Variants in LPP observed in about 807,000 individuals in gnomAD.
LPP encodes the protein LIM domain containing preferred translocation partner in lipoma.
LPP carries 38 observed loss-of-function variants against 60.4 expected under a neutral mutation model. The observed-to-expected ratio is 0.63, with a 90% CI of 0.49 to 0.83. The LOEUF is 0.83. Among genes scored for constraint, LPP ranks in the 40% least tolerant of loss-of-function variants. The pLI, the probability that LPP is intolerant of heterozygous loss-of-function variation, is 0.00. For synonymous variants in LPP, 328 were observed against 290.8 expected, an observed-to-expected ratio of 1.13 and a Z score of -1.30; for missense variants, 902 against 783.6, an observed-to-expected ratio of 1.15 and a Z score of -1.80.
intron 4 of LPP, among the ~76,000 whole-genome samples, chr3:188,419,721 C>G (rs977986399): frequency 6.6e-6 from 1 of 152,024 alleles, no homozygotes; most frequent in Non-Finnish European, 1.5e-5. Context: ...AAAACCCCGA[C>G]TTTACTAAAA....
At chr3:188,490,786 G>A (rs1029942140) in intron 5 of LPP, among the ~76,000 whole-genome samples, 12 of 107,204 alleles carry the variant, frequency 1.1e-4, no homozygotes, top group South Asian at 6.2e-4. Flanking sequence ...ACAGAGTCTC[G>A]CTCTGTTGTC....
intron 5 of LPP, among the ~76,000 whole-genome samples, chr3:188,495,737 C>T (rs566815778): frequency 1.3e-5 from 2 of 152,094 alleles, no homozygotes. Context: ...GTACGAAAGC[C>T]CTATTGGGCC....
Position 188,725,412 on chromosome 3 carries a change from A to G in LPP, c.1240+17019A>G, listed in dbSNP as rs570590934. The G allele has an allele frequency of 3.3e-5, 5 of 152,322 alleles. 1 individual carries two copies. In the South Asian group the frequency reaches 8.3e-4, roughly 25 times the overall value. The allele number at this position is 152,322 out of a possible 1,614,324, so 9.4% of individuals were successfully genotyped here. Reference sequence around the variant, plus strand: ...TCAAGGTGGACTTAATTTGGAGATCACCTATGAAGACATCTGTGGAAGGAA... The same window carrying G: ...TCAAGGTGGACTTAATTTGGAGATCGCCTATGAAGACATCTGTGGAAGGAA... On this transcript the variant is annotated intron_variant, in intron 8 of 11. Coordinates refer to ENST00000617246, the MANE Select transcript of LPP (RefSeq NM_001375462.1).
intron 8 of LPP, among the ~76,000 whole-genome samples, chr3:188,719,302 G>T (rs1029366515): frequency 1.3e-5 from 2 of 152,068 alleles, no homozygotes; most frequent in African/African-American, 4.8e-5. Flanking sequence ...GCATCACATT[G>T]AAAGAAACAT....
intron 7 of LPP, among the ~76,000 whole-genome samples, chr3:188,697,827 T>C (rs1000960015): frequency 3.3e-5 from 5 of 152,196 alleles, no homozygotes; most frequent in Non-Finnish European, 7.3e-5. Flanking sequence ...CTGGCCCTTT[T>C]GCATATATAT....
chr3:188,474,858 C>T (rs886625276), intron 4 of LPP, among the ~76,000 whole-genome samples: 8 of 152,146 alleles, frequency 5.3e-5, no homozygotes, highest in African/African-American at 1.7e-4. Flanking sequence ...TTTGAATGCT[C>T]ATCTTTGGAA....
rs1372582094 is a variant in LPP at position 188,885,859 on chromosome 3, T to C, written c.*11380T>C. On this transcript the variant is annotated 3_prime_UTR_variant, in exon 12 of 12. Transcript: ENST00000617246. ...ACTGGTGTGAGATGGTATCTCATAG[T>C]GGTTTTGATTTGCATTTCTCTGATG... The C allele has an allele frequency of 6.6e-6, 1 of 152,190 alleles. No homozygotes were observed. Among genetic ancestry groups the C allele is most frequent in the Non-Finnish European group, 1.5e-5 (1 of 68,032 alleles). The allele number at this position is 152,190 out of a possible 1,614,324, so 9.4% of individuals were successfully genotyped here.
intron 2 of LPP, among the ~76,000 whole-genome samples, chr3:188,231,628 T>C (rs1484933103): frequency 6.6e-6 from 1 of 151,804 alleles, no homozygotes; most frequent in African/African-American, 2.4e-5. Flanking sequence ...GGGCACATAC[T>C]CTTCCAGGGC....
intron 6 of LPP, among the ~76,000 whole-genome samples, chr3:188,577,276 T>G (rs1290609078): frequency 6.6e-6 from 1 of 152,200 alleles, no homozygotes; most frequent in Non-Finnish European, 1.5e-5. Context: ...CAAATTATTC[T>G]CATCTAATTT....
At chr3:188,431,381 C>T (rs1790855958) in intron 4 of LPP, among the ~76,000 whole-genome samples, 1 of 152,150 alleles carries the variant, frequency 6.6e-6, no homozygotes, top group African/African-American at 2.4e-5. Flanking sequence ...AAGACCGAAA[C>T]ACTCTTCAAA....
At chr3:188,687,375 T>A (rs1472473422) in intron 7 of LPP, among the ~76,000 whole-genome samples, 1 of 152,206 alleles carries the variant, frequency 6.6e-6, no homozygotes, top group Non-Finnish European at 1.5e-5. Flanking sequence ...AAACCTCATC[T>A]TGAATTGTGA....
intron 1 of LPP, among the ~76,000 whole-genome samples, chr3:188,174,363 G>A (rs981240961): frequency 6.6e-6 from 1 of 152,180 alleles, no homozygotes; most frequent in Non-Finnish European, 1.5e-5. Flanking sequence ...ACAAACTCGT[G>A]GGCAGTATGT....
Position 188,349,009 on chromosome 3 carries a change from C to G in LPP, c.-10+7290C>G, listed in dbSNP as rs549118060. On this transcript the variant is annotated intron_variant, in intron 3 of 11. Coordinates refer to ENST00000617246, the MANE Select transcript of LPP (RefSeq NM_001375462.1). The stretch of plus-strand genomic sequence containing the variant: ...TTAGAAGTTACTATTCAGAAGGGGT[C>G]AAACTGGGATTGGATTCTAAGTCTT... Among the ~76,000 whole-genome samples, 3 of 152,246 alleles carry G rather than the reference C, an allele frequency of 2.0e-5. No homozygotes were observed. The South Asian group carries it at 6.2e-4, about 32-fold the overall frequency.
chr3:188,755,803 C>T (rs1729959558), intron 8 of LPP, among the ~76,000 whole-genome samples: 1 of 80,436 alleles, frequency 1.2e-5, no homozygotes, highest in African/African-American at 5.0e-5. Flanking sequence ...GAGTGAGATC[C>T]TGTCACAAAA....
At chr3:188,715,358 C>T (rs1222147251) in intron 8 of LPP, among the ~76,000 whole-genome samples, 1 of 107,838 alleles carries the variant, frequency 9.3e-6, no homozygotes, top group Non-Finnish European at 1.7e-5. Context: ...AGCCTGGTGA[C>T]AGAGGGAGAC....
At chr3:188,794,351 T>C (rs1744706881) in intron 9 of LPP, among the ~76,000 whole-genome samples, 1 of 152,230 alleles carries the variant, frequency 6.6e-6, no homozygotes, top group African/African-American at 2.4e-5. Flanking sequence ...AATGGCTCAT[T>C]TGTAGGGAGG....
chr3:188,861,420 T>C (rs546487366), intron 9 of LPP, among the ~76,000 whole-genome samples: 2 of 152,318 alleles, frequency 1.3e-5, no homozygotes, highest in African/African-American at 4.8e-5. Flanking sequence ...AAAATGAAAA[T>C]GTTGTTAACA....
At chr3:188,304,601 C>A (rs898284099) in intron 2 of LPP, among the ~76,000 whole-genome samples, 1 of 152,078 alleles carries the variant, frequency 6.6e-6, no homozygotes, top group African/African-American at 2.4e-5. Flanking sequence ...ACGAGTAGCC[C>A]ACTGTTATCC....
chr3:188,247,384 A>G (rs1400506477), intron 2 of LPP, among the ~76,000 whole-genome samples: 1 of 152,104 alleles, frequency 6.6e-6, no homozygotes, highest in East Asian at 1.9e-4. Context: ...GGATGTTGTC[A>G]AAACTAATAC....
Sources: gnomAD v4.1 joint callset for allele counts (sites outside exome capture counted in the v4.1 genomes callset) on GRCh38, gnomAD v4.1.1 for gene constraint, MANE v1.5 for transcripts, NCBI Gene and HGNC (gene_info 2026-07-23, HGNC 2026-07-21) for gene names.